FUT8: variants seen among roughly 807,000 people sequenced by gnomAD.
FUT8 encodes alpha-(1,6)-fucosyltransferase.
FUT8 carries 29 observed loss-of-function variants against 71.3 expected under a neutral mutation model. The ratio of observed to expected loss-of-function variants is 0.41; its 90% CI spans 0.30 to 0.55. FUT8 has a LOEUF of 0.55. Ranked by LOEUF, FUT8 falls within the 20% of genes least tolerant of loss-of-function variation. The pLI, the probability that FUT8 is intolerant of heterozygous loss-of-function variation, is 0.34. For synonymous variants in FUT8, 254 were observed against 239.3 expected (o/e 1.06, Z -0.57); for missense variants, 544 against 702.1 (o/e 0.77, Z 2.55).
intron 3 of FUT8, among the ~76,000 whole-genome samples, chr14:65,606,746 T>C (rs1432038345): frequency 6.6e-5 from 10 of 151,814 alleles, no homozygotes; most frequent in Admixed American, 3.9e-4. Flanking sequence ...TTTTTTCTTA[T>C]TTTGCAAAAT....
In FUT8 at chr14:65,489,730, T is replaced by G. The variant is rs1054030695; in HGVS notation, c.-228+34012T>G. Among the ~76,000 whole-genome samples, 1 of 152,120 alleles carries G rather than the reference T, an allele frequency of 6.6e-6. No homozygotes were observed. The highest frequency in any genetic ancestry group is 1.5e-5 in the Non-Finnish European group (1 of 67,982). ...TTAGAAAATGTATTTGGAATTACAT[T>G]AAAAAGGATTCTATGTTTTGTTTAT... is the stretch of plus-strand genomic sequence containing the variant. On this transcript the variant is annotated intron_variant, in intron 2 of 10. Coordinates refer to ENST00000673929, the MANE Select transcript of FUT8 (RefSeq NM_001371533.1). The surrounding 1 kb of genome is among the most constrained non-coding windows in gnomAD (Gnocchi z 4.0).
chr14:65,462,344 G>C (rs1035710039), intron 2 of FUT8, among the ~76,000 whole-genome samples: 16 of 152,184 alleles, frequency 1.1e-4, no homozygotes, highest in African/African-American at 3.1e-4. Flanking sequence ...CTTGAATAGT[G>C]TATTTGGAAG....
At chr14:65,729,722 C>T (rs1055158885) in intron 9 of FUT8, among the ~76,000 whole-genome samples, 1 of 152,082 alleles carries the variant, frequency 6.6e-6, no homozygotes, top group African/African-American at 2.4e-5. Flanking sequence ...CACAGCATGA[C>T]AGTTTTATAC....
rs1170612435 is a variant in FUT8 at position 65,669,099 on chromosome 14, G to A, written c.598-144G>A. On this transcript the variant is annotated intron_variant, in intron 6 of 10. Transcript: ENST00000673929. This position sits in a 1 kb window ranked among gnomAD's most constrained non-coding sequence, Gnocchi z 4.5. ...ACTTACTATGCTGATTACTTGGGGT[G>A]TATACCAAACCCCACGACACACAAT... The A allele has an allele frequency of 1.6e-6, 1 of 623,332 alleles. No individual in the cohort carries two copies. The highest frequency in any genetic ancestry group is 2.9e-5 in the Admixed American group (1 of 34,106). 38.6% of individuals were successfully genotyped at this position (623,332 alleles called of 1,614,324 possible). A position where few individuals can be genotyped will look rare whatever the true frequency, so the allele number is the denominator to read the frequency against.
chr14:65,717,804 C>A (rs933963354), intron 7 of FUT8, among the ~76,000 whole-genome samples: 1 of 152,098 alleles, frequency 6.6e-6, no homozygotes, highest in Non-Finnish European at 1.5e-5. Flanking sequence ...CAGGCAGAGG[C>A]GCTCCTCACC....
intron 10 of FUT8, among the ~76,000 whole-genome samples, chr14:65,737,436 T>G (rs1286095021): frequency 6.6e-6 from 1 of 152,134 alleles, no homozygotes; most frequent in Non-Finnish European, 1.5e-5. Flanking sequence ...ACCAAATACA[T>G]TAATCCTATT....
chr14:65,447,932 C>G (rs1257099889), intron 1 of FUT8, among the ~76,000 whole-genome samples: 1 of 152,134 alleles, frequency 6.6e-6, no homozygotes, highest in African/African-American at 2.4e-5. Context: ...TTGAAAGGCA[C>G]GATAACCAGC....
intron 2 of FUT8, among the ~76,000 whole-genome samples, chr14:65,477,017 A>T (rs2139665348): frequency 6.6e-6 from 1 of 152,302 alleles, no homozygotes; most frequent in Non-Finnish European, 1.5e-5. Context: ...ACCTAAATGT[A>T]AAGTTTTTCT....
intron 9 of FUT8, among the ~76,000 whole-genome samples, chr14:65,730,407 C>T (rs936887722): frequency 6.6e-6 from 1 of 152,190 alleles, no homozygotes; most frequent in African/African-American, 2.4e-5. Flanking sequence ...GACGCAGTGG[C>T]TCACGATTGT....
chr14:65,637,763 C>T (rs992842053), intron 6 of FUT8, among the ~76,000 whole-genome samples: 1 of 151,966 alleles, frequency 6.6e-6, no homozygotes, highest in African/African-American at 2.4e-5. Flanking sequence ...AAGGTCTCAG[C>T]AAACAGAGGG....
intron 1 of FUT8, among the ~76,000 whole-genome samples, chr14:65,436,956 A>T (rs543201642): frequency 1.3e-5 from 2 of 152,358 alleles, no homozygotes; most frequent in East Asian, 3.9e-4. Context: ...AATGCCCTAC[A>T]GGCAGTATGT....
intron 6 of FUT8, among the ~76,000 whole-genome samples, chr14:65,634,405 T>A (rs1179155822): frequency 2.0e-5 from 3 of 152,076 alleles, no homozygotes; most frequent in African/African-American, 7.2e-5. Flanking sequence ...TAATCTCAAG[T>A]ATCCAGGGAC....
At chr14:65,571,352 A>G (rs1350427468) in intron 3 of FUT8, among the ~76,000 whole-genome samples, 1 of 152,116 alleles carries the variant, frequency 6.6e-6, no homozygotes, top group Non-Finnish European at 1.5e-5. Flanking sequence ...GACTTTGGGA[A>G]TCATGCACAT....
chr14:65,475,730 A>G (rs1246099895), intron 2 of FUT8, among the ~76,000 whole-genome samples: 1 of 151,828 alleles, frequency 6.6e-6, no homozygotes, highest in Non-Finnish European at 1.5e-5. Flanking sequence ...CTCAGGCTCT[A>G]TATGGTAGAG....
At chr14:65,697,390 G>A (rs1816106109) in intron 7 of FUT8, among the ~76,000 whole-genome samples, 1 of 152,160 alleles carries the variant, frequency 6.6e-6, no homozygotes, top group African/African-American at 2.4e-5. Flanking sequence ...GGAGGAGGAA[G>A]TGTTCCGTAG....
intron 2 of FUT8, among the ~76,000 whole-genome samples, chr14:65,484,393 G>A (rs1373256977): frequency 2.6e-5 from 4 of 152,048 alleles, no homozygotes; most frequent in Non-Finnish European, 5.9e-5. Flanking sequence ...GCACTTTACT[G>A]GGCTGAGGAA....
intron 1 of FUT8, among the ~76,000 whole-genome samples, chr14:65,415,112 C>T (rs968622278): frequency 6.6e-6 from 1 of 152,014 alleles, no homozygotes; most frequent in Non-Finnish European, 1.5e-5. Context: ...TAAAATTTGC[C>T]AGTGGATTGG....
rs77776111 is a variant in FUT8, at chr14:65,445,220, G to A, written c.-325-10401G>A. On this transcript the variant is annotated intron_variant, in intron 1 of 10. Coordinates refer to ENST00000673929, the MANE Select transcript of FUT8 (RefSeq NM_001371533.1). ...AACTCTGTCTCATAAATAAATAAAA[G>A]GATAAAAAGGGCTTGCTCTCTTCTG... is the stretch of plus-strand genomic sequence containing the variant. 8.3e-3 allele frequency among the ~76,000 whole-genome samples: 1,265 copies of A among 151,530 alleles called. 18 individuals are homozygous for A. The highest frequency in any genetic ancestry group is 0.029 in the African/African-American group (1,212 of 41,314).
At chr14:65,604,468 A>G (rs572530183) in intron 3 of FUT8, among the ~76,000 whole-genome samples, 1 of 152,126 alleles carries the variant, frequency 6.6e-6, no homozygotes, top group Admixed American at 6.6e-5. Context: ...CCATGCAAAT[A>G]TATGGAAATT....
Sources: gnomAD v4.1 joint callset for allele counts (sites outside exome capture counted in the v4.1 genomes callset) on GRCh38, gnomAD v4.1.1 for gene constraint, Gnocchi (gnomAD v3.1) non-coding constraint, MANE v1.5 for transcripts, NCBI Gene and HGNC (gene_info 2026-07-23, HGNC 2026-07-21) for gene names.